The following PCMT1 variants were observed in gnomAD, a reference collection of about 807,000 sequenced individuals.
The protein encoded by PCMT1 is protein-L-isoaspartate (D-aspartate) O-methyltransferase.
A neutral mutation model predicts 29.2 loss-of-function variants in PCMT1; 9 were observed. The ratio of observed to expected loss-of-function variants is 0.31; its 90% CI spans 0.19 to 0.54. PCMT1 has a LOEUF of 0.54. PCMT1 is among the 20% of genes least tolerant of loss of function. The probability of loss-of-function intolerance (pLI) is 0.95; values close to 1 mark genes in which losing one functional copy is unlikely to be tolerated. For missense variants in PCMT1, 184 were observed against 282.2 expected, an observed-to-expected ratio of 0.65 and a Z score of 2.49; for synonymous variants, 98 against 97.5, an observed-to-expected ratio of 1.00 and a Z score of -0.03.
At chr6:149,788,712 C>T (rs1236234237) in intron 3 of PCMT1, among the ~76,000 whole-genome samples, 1 of 152,148 alleles carries the variant, frequency 6.6e-6, no homozygotes, top group African/African-American at 2.4e-5. Flanking sequence ...TTCTGAACTC[C>T]ATTGTAAAAT....
At chr6:149,763,776 G>A (rs914394913) in intron 1 of PCMT1, among the ~76,000 whole-genome samples, 2 of 152,100 alleles carry the variant, frequency 1.3e-5, no homozygotes, top group African/African-American at 4.8e-5. Flanking sequence ...TGGCAGTGTT[G>A]AGTGAAGCTG....
At chr6:149,776,703 T>C (rs919691130) in intron 3 of PCMT1, among the ~76,000 whole-genome samples, 10 of 152,222 alleles carry the variant, frequency 6.6e-5, no homozygotes, top group African/African-American at 2.4e-4. Flanking sequence ...TAAGCCACCA[T>C]GCCCAGCCTC....
Position 149,749,937 on chromosome 6 carries a change from G to C in PCMT1, c.36G>C (p.Glu12Asp). ...AWKSGGASHS[E>D]LIHNLRKNGI... ...AATCCGGCGGCGCCAGCCACTCGGA[G>C]CTAATCCACAATCTCCGCAGTAAGT... Residue 12 changes from glutamate to aspartate, a missense_variant, in exon 1 of 8, where the codon GAG becomes GAC. Glu to Asp is a conservative substitution (Grantham distance 45, BLOSUM62 2). Coordinates refer to ENST00000464889, the MANE Select transcript of PCMT1 (RefSeq NM_001360452.2). 1 of 1,610,942 alleles carries C rather than the reference G, an allele frequency of 6.2e-7. No individual in the cohort carries two copies. Among genetic ancestry groups the C allele is most frequent in the Non-Finnish European group, 8.5e-7 (1 of 1,178,822 alleles).
chr6:149,788,694 G>T (rs1030171216), intron 3 of PCMT1, among the ~76,000 whole-genome samples: 1 of 152,210 alleles, frequency 6.6e-6, no homozygotes, highest in Non-Finnish European at 1.5e-5. Flanking sequence ...TTCCACTGGA[G>T]AACTTTTTTC....
At position 149,810,793 on chromosome 6, in the gene PCMT1, G is replaced by T. The variant is rs1776139243; in HGVS notation, c.*215G>T. ...TTAGGGTTTCTGATTCTTCAAAGAG[G>T]CACAGAGCCAAATTGGTAGAGGAAG... On this transcript the variant is annotated 3_prime_UTR_variant, in exon 8 of 8. Transcript: ENST00000464889. The T allele has an allele frequency of 3.9e-6, 2 of 508,582 alleles. No homozygotes were observed. Among genetic ancestry groups the T allele is most frequent in the South Asian group, 3.6e-5 (1 of 28,096 alleles). The allele number at this position is 508,582 out of a possible 1,614,324, so 31.5% of individuals were successfully genotyped here. A position where few individuals can be genotyped will look rare whatever the true frequency, so the allele number is the denominator to read the frequency against.
chr6:149,792,807 C>A (rs1294732278), intron 4 of PCMT1, among the ~76,000 whole-genome samples: 1 of 152,144 alleles, frequency 6.6e-6, no homozygotes, highest in Non-Finnish European at 1.5e-5. Context: ...GTGTGAGCCA[C>A]TGTATATATT....
chr6:149,778,112 A>G (rs1787652394), intron 3 of PCMT1, among the ~76,000 whole-genome samples: 1 of 151,732 alleles, frequency 6.6e-6, no homozygotes, highest in South Asian at 2.1e-4. Context: ...CCTGGCCTCA[A>G]GTGATCTGCC....
chr6:149,802,167 G>T, intron 6 of PCMT1, 33 bp from the exon 7 acceptor site: 1 of 1,348,416 alleles, frequency 7.4e-7, no homozygotes, highest in Admixed American at 2.3e-5. Context: ...TCTGTAACTT[G>T]GTGATGTATG....
intron 1 of PCMT1, among the ~76,000 whole-genome samples, chr6:149,761,368 A>G (rs557959383): frequency 2.2e-4 from 34 of 152,316 alleles, no homozygotes; most frequent in African/African-American, 7.7e-4. Flanking sequence ...CATATTTAAA[A>G]GATACAGAAT....
intron 3 of PCMT1, among the ~76,000 whole-genome samples, chr6:149,782,754 T>C (rs1344623920): frequency 2.0e-5 from 3 of 151,636 alleles, no homozygotes; most frequent in Non-Finnish European, 4.4e-5. Flanking sequence ...CTATGGAGAC[T>C]TAAAAAAAAA....
At chr6:149,798,168 CAA>C (rs1479536930) in intron 6 of PCMT1, 13 of 67,610 alleles carry the variant, frequency 1.9e-4, no homozygotes, top group Non-Finnish European at 2.2e-4. Flanking sequence ...GACCCTGTCT[CAA>C]AAAAAAAAAA....
chr6:149,758,329 G>A (rs751811753), intron 1 of PCMT1, among the ~76,000 whole-genome samples: 15 of 150,026 alleles, frequency 1.0e-4, no homozygotes, highest in Non-Finnish European at 2.1e-4. Flanking sequence ...TCCTGCCTCA[G>A]CCTCCTGAGT....
chr6:149,773,121 C>G lies in PCMT1; in HGVS notation c.161-17C>G. On this transcript the variant is annotated splice_polypyrimidine_tract_variant and intron_variant, in intron 2 of 7. Transcript: ENST00000464889. ...TTTACAGCTGACTGTATCAGTAGTTCTCTTCTTCTTTTGCAGGTTTCCAAG... is the reference window on the plus strand; with the variant it reads ...TTTACAGCTGACTGTATCAGTAGTTGTCTTCTTCTTTTGCAGGTTTCCAAG... The G allele has an allele frequency of 6.3e-7, 1 of 1,598,984 alleles. No homozygotes were observed. The highest frequency in any genetic ancestry group is 8.6e-7 in the Non-Finnish European group (1 of 1,168,420).
chr6:149,781,337 C>T (rs909861268), intron 3 of PCMT1, among the ~76,000 whole-genome samples: 1 of 151,854 alleles, frequency 6.6e-6, no homozygotes, highest in African/African-American at 2.4e-5. Context: ...AGCAATTCTC[C>T]TGCCTCAGCC....
intron 5 of PCMT1, 31 bp from the exon 6 acceptor site, chr6:149,796,384 G>A: frequency 1.3e-6 from 2 of 1,514,058 alleles, no homozygotes; most frequent in Non-Finnish European, 1.8e-6. Flanking sequence ...GATCTAAACA[G>A]GTTTTTAAAG....
At chr6:149,762,832 G>T in intron 1 of PCMT1, among the ~76,000 whole-genome samples, 1 of 46,322 alleles carries the variant, frequency 2.2e-5, no homozygotes. Context: ...TGATATATAT[G>T]ATATATATAT....
At chr6:149,772,850 T>C (rs1787391320) in intron 2 of PCMT1, among the ~76,000 whole-genome samples, 1 of 151,970 alleles carries the variant, frequency 6.6e-6, no homozygotes, top group Non-Finnish European at 1.5e-5. Context: ...ACCCCGTCTC[T>C]ACTAAAAGTA....
intron 6 of PCMT1, among the ~76,000 whole-genome samples, chr6:149,799,651 G>A (rs544759405): frequency 1.3e-5 from 2 of 152,150 alleles, no homozygotes; most frequent in Non-Finnish European, 2.9e-5. Context: ...AAAATGAAAT[G>A]AGGGAAGAGA....
chr6:149,765,116 T>A (rs1787023655), intron 1 of PCMT1, among the ~76,000 whole-genome samples: 1 of 150,678 alleles, frequency 6.6e-6, no homozygotes, highest in Non-Finnish European at 1.5e-5. Context: ...TCCTAGCACT[T>A]TGGGAGGCCG....
Sources: gnomAD v4.1 joint callset for allele counts (sites outside exome capture counted in the v4.1 genomes callset) on GRCh38, gnomAD v4.1.1 for gene constraint, MANE v1.5 for transcripts, NCBI Gene and HGNC (gene_info 2026-07-23, HGNC 2026-07-21) for gene names.